CDH15: variants seen among roughly 807,000 people sequenced by gnomAD.
CDH15 encodes cadherin-15.
Under a neutral mutation model 69.4 loss-of-function variants are expected in CDH15, and 73 were observed. The ratio of observed to expected loss-of-function variants is 1.05; its 90% confidence interval spans 0.87 to 1.28. The LOEUF is 1.28. Among genes scored for constraint, CDH15 ranks in the 50% most tolerant of loss-of-function variants. The pLI is 0.00. For synonymous variants in CDH15, 624 were observed against 507.7 expected, an observed-to-expected ratio of 1.23 and a Z score of -3.08; for missense variants, 1,343 against 1,133.6, an observed-to-expected ratio of 1.18 and a Z score of -2.65.
intron 5 of CDH15, 107 bp downstream of exon 5, chr16:89,185,440 G>A (rs941721072): frequency 2.3e-5 from 30 of 1,284,826 alleles, no homozygotes; most frequent in Admixed American, 1.6e-4. Context: ...TGTCCCTGCC[G>A]TCACTGCAGA....
chr16:89,193,775 G>C lies in CDH15; in HGVS notation c.2013G>C (p.Gln671His). 1 of 1,604,946 alleles carries C rather than the reference G, an allele frequency of 6.2e-7. No individual in the cohort carries two copies. The highest frequency in any genetic ancestry group is 8.5e-7 in the Non-Finnish European group (1 of 1,179,108). ...CACAGGACGCCTACGACATCAGCCA[G>C]CTGCGTCACCCGACAGCGCTGAGCC... ...EEDQDAYDIS[Q>H]LRHPTALSLP... The change falls in exon 13 of 14, where the codon CAG becomes CAC. Residue 671 changes from glutamine to histidine, a missense_variant. Transcript: ENST00000289746.
intron 4 of CDH15, among the ~76,000 whole-genome samples, chr16:89,184,460 C>G (rs1193979658): frequency 6.6e-6 from 1 of 152,176 alleles, no homozygotes; most frequent in African/African-American, 2.4e-5. Flanking sequence ...GAAACCTGGT[C>G]CTGCCATATG....
At chr16:89,193,374 G>GCCCCCC in intron 11 of CDH15, 96 bp from the exon 12 acceptor site, 1 of 437,524 alleles carries the variant, frequency 2.3e-6, no homozygotes, top group Non-Finnish European at 3.9e-6. Context: ...TACCAGCCTT[G>GCCCCCC]CCCCGCCCCG....
chr16:89,191,179 G>A (rs1915631429), intron 8 of CDH15, 151 bp from the exon 9 acceptor site: 7 of 837,872 alleles, frequency 8.4e-6, no homozygotes, highest in South Asian at 2.9e-5. Flanking sequence ...GGCTGTGTGT[G>A]CGTGTGTATA....
rs370418384 is a variant in CDH15 at position 89,193,928 on chromosome 16, G to A, written c.2151+15G>A. The A allele has an allele frequency of 1.4e-5, 23 of 1,611,004 alleles. No homozygotes were observed. The African/African-American group carries it at 2.8e-4, about 20-fold the overall frequency. On this transcript the variant is annotated intron_variant, in intron 13 of 13. Coordinates refer to ENST00000289746, the MANE Select transcript of CDH15 (RefSeq NM_004933.3). ...TCATCAATGATGTAGGTGCTCCTGG[G>A]GACACCCCAGTACACACAGGCACGC... is the stretch of plus-strand genomic sequence containing the variant.
chr16:89,178,117 C>T (rs1915297099), intron 1 of CDH15, among the ~76,000 whole-genome samples: 2 of 152,348 alleles, frequency 1.3e-5, no homozygotes, highest in East Asian at 1.9e-4. Flanking sequence ...ACTTGGGTCC[C>T]TTCTCTAGGC....
intron 1 of CDH15, among the ~76,000 whole-genome samples, chr16:89,177,937 G>A (rs981103258): frequency 6.6e-6 from 1 of 152,140 alleles, no homozygotes; most frequent in Non-Finnish European, 1.5e-5. Context: ...AGGACAGGCA[G>A]GACCCGCCGT....
In CDH15 at chr16:89,185,247, A is replaced by C. The variant is rs766440372; in HGVS notation, c.577A>C (p.Ile193Leu). 6.2e-7 allele frequency: 1 copy of C among 1,605,720 alleles called. No homozygotes were observed. The highest frequency in any genetic ancestry group is 8.5e-7 in the Non-Finnish European group (1 of 1,176,554). ...GGACAACGCAGCGCTGCGGTTCTCC[A>C]TCCTGCAGCAGGGCAGCCCCGAGCT... The part of the protein sequence containing the change: ...ETDNAALRFS[I>L]LQQGSPELFS... Residue 193 changes from isoleucine to leucine, a missense_variant, in exon 5 of 14, where the codon ATC becomes CTC. Physicochemically the swap from Ile to Leu is conservative, Grantham distance 5 (BLOSUM62 2). Coordinates refer to ENST00000289746, the MANE Select transcript of CDH15 (RefSeq NM_004933.3).
chr16:89,175,288 GGTGGGGGTGGCCCCTCCACCTCAGCC>G (rs1915234895), intron 1 of CDH15, among the ~76,000 whole-genome samples: 1 of 152,228 alleles, frequency 6.6e-6, no homozygotes, highest in Non-Finnish European at 1.5e-5. Flanking sequence ...CGTCTGCCCG[GGTGGGGGTGGCCCCTCCACCTCAGCC>G]GTGTGGGGTT....
chr16:89,174,551 C>T (rs989357790), intron 1 of CDH15, among the ~76,000 whole-genome samples: 3 of 152,268 alleles, frequency 2.0e-5, no homozygotes, highest in African/African-American at 4.8e-5. Context: ...GCAGAGCTTT[C>T]TTACACAGCA....
intron 1 of CDH15, among the ~76,000 whole-genome samples, chr16:89,174,300 G>A (rs557745521): frequency 1.3e-5 from 2 of 152,306 alleles, no homozygotes; most frequent in South Asian, 4.1e-4. Flanking sequence ...TTCCAGCCTG[G>A]GGGAGGGGTT....
chr16:89,194,882 T>A lies in CDH15; in HGVS notation c.2172T>A (p.Ser724Arg). The change falls in exon 14 of 14, where the codon AGT (serine) becomes AGA (arginine). Residue 724 changes from serine (S) to arginine (R), a missense_variant. Coordinates refer to ENST00000289746, the MANE Select transcript of CDH15 (RefSeq NM_004933.3). ...FINDGLEAAD[S>R]DPSVPPYDTA... The stretch of plus-strand genomic sequence containing the variant: ...TATAGGGCTTGGAGGCTGCAGATAG[T>A]GACCCCAGTGTGCCGCCTTACGACA... The A allele has an allele frequency of 1.2e-6, 2 of 1,606,382 alleles. No homozygotes were observed. The highest frequency in any genetic ancestry group is 1.7e-6 in the Non-Finnish European group (2 of 1,176,562).
At chr16:89,194,740 C>T (rs1915757297) in intron 13 of CDH15, 122 bp from the exon 14 acceptor site, 10 of 963,586 alleles carry the variant, frequency 1.0e-5, no homozygotes, top group Non-Finnish European at 1.4e-5. Flanking sequence ...CGCCCCCGGA[C>T]GTGGGCAGCT....
Position 89,192,189 on chromosome 16 carries a change from C to T in CDH15, c.1616-16C>T. ...GGCCTCGGGAGGCCCTCGCTCACCA[C>T]AGGCGCCCTCCGCAGTGAGCCACGC... On this transcript the variant is annotated splice_polypyrimidine_tract_variant and intron_variant, in intron 10 of 13. Coordinates refer to ENST00000289746, the MANE Select transcript of CDH15 (RefSeq NM_004933.3). 1.3e-6 allele frequency: 2 copies of T among 1,527,860 alleles called. No homozygotes were observed. The highest frequency in any genetic ancestry group is 1.7e-6 in the Non-Finnish European group (2 of 1,143,626). The allele number at this position is 1,527,860 out of a possible 1,614,324, so 94.6% of individuals were successfully genotyped here. A position where few individuals can be genotyped will look rare whatever the true frequency, so the allele number is the denominator to read the frequency against.
At position 89,188,302 on chromosome 16, in the gene CDH15, T is replaced by A. The variant is rs756572601; in HGVS notation, c.978+17T>A. On this transcript the variant is annotated intron_variant, in intron 7 of 13. Coordinates refer to ENST00000289746, the MANE Select transcript of CDH15 (RefSeq NM_004933.3). ...ATTGTGAAGGTGAGCGGCCCCCGGC[T>A]GGCACACAGATGCCGGCAGACGCAG... The A allele has an allele frequency of 6.2e-7, 1 of 1,610,504 alleles. No homozygotes were observed. The highest frequency in any genetic ancestry group is 8.5e-7 in the Non-Finnish European group (1 of 1,178,476).
At chr16:89,189,783 T>G (rs72819365) in intron 7 of CDH15, among the ~76,000 whole-genome samples, 6,680 of 152,294 alleles carry the variant, frequency 0.044, 265 homozygotes, top group East Asian at 0.18. Context: ...TGCAAGAAAT[T>G]GGCTCATGCG....
chr16:89,172,866 CG>C (rs1915185575), intron 1 of CDH15, among the ~76,000 whole-genome samples: 1 of 152,176 alleles, frequency 6.6e-6, no homozygotes, highest in African/African-American at 2.4e-5. Flanking sequence ...AAGGGCTTAG[CG>C]GTGCTCACAG....
At chr16:89,188,912 C>T (rs940903051) in intron 7 of CDH15, among the ~76,000 whole-genome samples, 2 of 136,908 alleles carry the variant, frequency 1.5e-5, no homozygotes, top group African/African-American at 5.3e-5. Flanking sequence ...ACACACATGC[C>T]CACACACAGG....
chr16:89,191,410 G>T lies in CDH15; in HGVS notation c.1313G>T (p.Ser438Ile), dbSNP rs772735484. Residue 438 changes from serine (S) to isoleucine (I), a missense_variant, in exon 9 of 14, where the codon AGC becomes ATC. Coordinates refer to ENST00000289746, the MANE Select transcript of CDH15 (RefSeq NM_004933.3). ...CGGATCCAGACCCAGCACGTGCTCA[G>T]CCCGGCGTCCCCCTTCCTCAAGGGC... Reference protein sequence around the residue: ...TGRIQTQHVLSPASPFLKGGW... With the variant: ...TGRIQTQHVLIPASPFLKGGW... 6.2e-7 allele frequency: 1 copy of T among 1,612,782 alleles called. No individual in the cohort carries two copies. The highest frequency in any genetic ancestry group is 1.1e-5 in the South Asian group (1 of 91,084).
Sources: gnomAD v4.1 joint callset for allele counts (sites outside exome capture counted in the v4.1 genomes callset) on GRCh38, gnomAD v4.1.1 for gene constraint, MANE v1.5 for transcripts, NCBI Gene and HGNC (gene_info 2026-07-23, HGNC 2026-07-21) for gene names.